Variants in LRIG1 observed in about 807,000 individuals in gnomAD.
LRIG1 encodes leucine-rich repeats and immunoglobulin-like domains protein 1.
Under a neutral mutation model 99.2 loss-of-function variants are expected in LRIG1, and 48 were observed. The ratio of observed to expected loss-of-function variants is 0.48; its 90% confidence interval spans 0.38 to 0.62. The LOEUF (loss-of-function observed/expected upper bound fraction) is 0.62, where lower values mean the gene tolerates loss of function less well. Ranked by LOEUF, LRIG1 falls within the 20% of genes least tolerant of loss-of-function variation. The pLI, the probability that LRIG1 is intolerant of heterozygous loss-of-function variation, is 0.00. For missense variants in LRIG1, 1,646 were observed against 1,434.4 expected, an observed-to-expected ratio of 1.15 and a Z score of -2.38; for synonymous variants, 772 against 596.1, an observed-to-expected ratio of 1.29 and a Z score of -4.30.
intron 9 of LRIG1, among the ~76,000 whole-genome samples, chr3:66,401,912 G>A (rs1307566539): frequency 6.6e-6 from 1 of 152,146 alleles, no homozygotes; most frequent in Non-Finnish European, 1.5e-5. Flanking sequence ...GGCAGGTACT[G>A]GGGGCAATGC....
intron 3 of LRIG1, among the ~76,000 whole-genome samples, chr3:66,446,270 C>A (rs567685205): frequency 2.0e-5 from 3 of 152,094 alleles, no homozygotes; most frequent in Non-Finnish European, 2.9e-5. Context: ...CACTCACCCC[C>A]GGGGAAGGGG....
intron 3 of LRIG1, among the ~76,000 whole-genome samples, chr3:66,445,117 C>T (rs996206073): frequency 6.6e-6 from 1 of 151,984 alleles, no homozygotes; most frequent in Non-Finnish European, 1.5e-5. Context: ...AACAGCTTTG[C>T]TCACATTTTC....
At chr3:66,394,819 G>A (rs756310363) in intron 11 of LRIG1, among the ~76,000 whole-genome samples, 121 of 152,106 alleles carry the variant, frequency 8.0e-4, no homozygotes, top group Admixed American at 7.9e-4. Flanking sequence ...CCACCCTCTT[G>A]TTTGTGCCTT....
chr3:66,500,278 C>A lies in LRIG1; in HGVS notation c.130G>T (p.Ala44Ser), dbSNP rs1432576954. The A allele has an allele frequency of 6.7e-7, 1 of 1,486,664 alleles. No individual in the cohort carries two copies. Among genetic ancestry groups the A allele is most frequent in the Non-Finnish European group, 8.9e-7 (1 of 1,124,704 alleles). The allele number at this position is 1,486,664 out of a possible 1,614,324, so 92.1% of individuals were successfully genotyped here. The change falls in exon 1 of 19, where the codon GCC (alanine) becomes TCC (serine). Residue 44 changes from alanine to serine, a missense_variant. Transcript: ENST00000273261. ...AGCGAGTCCCCAGCGCAAGTGCAGG[C>A]GGCCGCGCAGGGCGCCCGCGGGCCG... ...AAGPRAPCAA[A>S]CTCAGDSLDC...
Position 66,379,885 on chromosome 3 carries a change from G to A in LRIG1, c.*378C>T, listed in dbSNP as rs548370747. 3.1e-4 allele frequency: 53 copies of A among 171,632 alleles called. No homozygotes were observed. The highest frequency in any genetic ancestry group is 6.9e-4 in the Admixed American group (12 of 17,368). The allele number at this position is 171,632 out of a possible 1,614,324, so 10.6% of individuals were successfully genotyped here. A position where few individuals can be genotyped will look rare whatever the true frequency, so the allele number is the denominator to read the frequency against. On this transcript the variant is annotated 3_prime_UTR_variant, in exon 19 of 19. Coordinates refer to ENST00000273261, the MANE Select transcript of LRIG1 (RefSeq NM_015541.3). Reference sequence around the variant, plus strand: ...TAGCCTCTATAAATTCCAGCCATGCGTTAAGGCACCAGAACTATTTCCCCA... The same window carrying A: ...TAGCCTCTATAAATTCCAGCCATGCATTAAGGCACCAGAACTATTTCCCCA...
chr3:66,426,024 G>A (rs1575681202), intron 3 of LRIG1, among the ~76,000 whole-genome samples: 1 of 152,208 alleles, frequency 6.6e-6, no homozygotes, highest in Non-Finnish European at 1.5e-5. Context: ...GGTTTACAAG[G>A]TATTCCCGTT....
chr3:66,410,058 C>A (rs1702413671), intron 7 of LRIG1, 71 bp downstream of exon 7: 1 of 1,500,862 alleles, frequency 6.7e-7, no homozygotes, highest in South Asian at 1.3e-5. Flanking sequence ...GTGGAACGAA[C>A]CAGGCCTAGC....
intron 4 of LRIG1, 79 bp from the exon 5 acceptor site, chr3:66,415,142 G>A: frequency 2.1e-6 from 3 of 1,418,402 alleles, no homozygotes; most frequent in Non-Finnish European, 2.8e-6. Context: ...GACCTCTCTG[G>A]GTCTGAGTTG....
chr3:66,382,231 C>G lies in LRIG1; in HGVS notation c.2617+42G>C, dbSNP rs1701118551. On this transcript the variant is annotated intron_variant, in intron 16 of 18. Transcript: ENST00000273261. ...AGGCCACCTCCAGCACCCAGAGACA[C>G]AGTCACAGCAGAGCTCTGCTTCACA... is the stretch of plus-strand genomic sequence containing the variant. 1.9e-6 allele frequency: 3 copies of G among 1,609,462 alleles called. No individual in the cohort carries two copies. In the Middle Eastern group the frequency reaches 5.0e-4, roughly 267 times the overall value.
intron 3 of LRIG1, among the ~76,000 whole-genome samples, chr3:66,419,197 C>T (rs997433630): frequency 2.0e-5 from 3 of 152,146 alleles, no homozygotes; most frequent in African/African-American, 4.8e-5. Context: ...CCTTACATTG[C>T]GAAGCCGTGG....
Position 66,383,144 on chromosome 3 carries a change from G to C in LRIG1, c.2329C>G (p.Gln777Glu). 1 of 1,614,248 alleles carries C rather than the reference G, an allele frequency of 6.2e-7. No homozygotes were observed. The highest frequency in any genetic ancestry group is 8.5e-7 in the Non-Finnish European group (1 of 1,180,054). Residue 777 changes from glutamine (Q) to glutamate (E), a missense_variant, in exon 15 of 19, where the codon CAG becomes GAG. By Grantham distance (29) the Gln-to-Glu change is conservative (BLOSUM62 2). Coordinates refer to ENST00000273261, the MANE Select transcript of LRIG1 (RefSeq NM_015541.3). ...NTLGTERAHSQLSVLPAAGCR... is the reference protein window; with the variant it reads ...NTLGTERAHSELSVLPAAGCR... ...CCTGCTGCGGGCAGGACGCTCAGCTGGCTGTGAGCTCGCTCCGTGCCCAGG... is the reference window on the plus strand; with the variant it reads ...CCTGCTGCGGGCAGGACGCTCAGCTCGCTGTGAGCTCGCTCCGTGCCCAGG...
In LRIG1 at chr3:66,413,025, G is replaced by A; in HGVS notation, c.648-11C>T. On this transcript the variant is annotated splice_polypyrimidine_tract_variant and intron_variant, in intron 5 of 18. Coordinates refer to ENST00000273261, the MANE Select transcript of LRIG1 (RefSeq NM_015541.3). ...TTCCGATTGAGGTCCCTAAAGAGAT[G>A]AAGCCAGCAGGGTCAGAGTGTCTTA... 4 of 1,614,168 alleles carry A rather than the reference G, an allele frequency of 2.5e-6. No individual in the cohort carries two copies. The highest frequency in any genetic ancestry group is 3.4e-6 in the Non-Finnish European group (4 of 1,180,008).
intron 3 of LRIG1, among the ~76,000 whole-genome samples, chr3:66,449,862 T>C (rs999820516): frequency 2.0e-5 from 3 of 152,222 alleles, no homozygotes; most frequent in African/African-American, 4.8e-5. Flanking sequence ...CTTGAACTCG[T>C]GGACAAACGG....
intron 3 of LRIG1, among the ~76,000 whole-genome samples, chr3:66,446,418 T>C (rs1703727534): frequency 6.6e-6 from 1 of 151,324 alleles, no homozygotes; most frequent in Non-Finnish European, 1.5e-5. Flanking sequence ...TTTTTTTTTT[T>C]TTTTTGAGAA....
At chr3:66,432,569 C>T (rs994235114) in intron 3 of LRIG1, among the ~76,000 whole-genome samples, 3 of 152,152 alleles carry the variant, frequency 2.0e-5, no homozygotes, top group African/African-American at 7.2e-5. Context: ...CCACTATTAC[C>T]GTCCCCATTT....
chr3:66,412,678 G>T (rs959893943), intron 6 of LRIG1, among the ~76,000 whole-genome samples, 193 bp downstream of exon 6: 1 of 152,178 alleles, frequency 6.6e-6, no homozygotes, highest in African/African-American at 2.4e-5. Context: ...CTGAATGCTG[G>T]TGTGGGCGCG....
intron 9 of LRIG1, among the ~76,000 whole-genome samples, chr3:66,400,980 C>G (rs1559778168): frequency 6.6e-6 from 1 of 152,152 alleles, no homozygotes; most frequent in Non-Finnish European, 1.5e-5. Flanking sequence ...TCCGTTTCAT[C>G]AGAAACAGAC....
At position 66,386,469 on chromosome 3, in the gene LRIG1, G is replaced by A. The variant is rs553811317; in HGVS notation, c.1469-168C>T. On this transcript the variant is annotated intron_variant, in intron 12 of 18. Coordinates refer to ENST00000273261, the MANE Select transcript of LRIG1 (RefSeq NM_015541.3). ...CAGATGCCGTAAGAGTTGCACCATG[G>A]ACATCTGACCTCATCTAATTAGAAG... 8.1e-6 allele frequency: 5 copies of A among 617,662 alleles called. No homozygotes were observed. The East Asian group carries it at 1.1e-4, about 13-fold the overall frequency. The allele number at this position is 617,662 out of a possible 1,614,324, so 38.3% of individuals were successfully genotyped here. A position where few individuals can be genotyped will look rare whatever the true frequency, so the allele number is the denominator to read the frequency against.
Position 66,410,112 on chromosome 3 carries a change from G to A in LRIG1, c.935+17C>T. On this transcript the variant is annotated intron_variant, in intron 7 of 18. Transcript: ENST00000273261. Reference sequence around the variant, plus strand: ...TGTCTAAAAACACTGCCACAGCCCAGAGCCGAGGACACTTACAACTCATGC... The same window carrying A: ...TGTCTAAAAACACTGCCACAGCCCAAAGCCGAGGACACTTACAACTCATGC... 6.2e-7 allele frequency: 1 copy of A among 1,602,674 alleles called. No individual in the cohort carries two copies. Among genetic ancestry groups the A allele is most frequent in the Non-Finnish European group, 8.5e-7 (1 of 1,174,396 alleles).
Sources: allele counts gnomAD v4.1 joint callset (sites outside exome capture counted in the v4.1 genomes callset), GRCh38; gene constraint gnomAD v4.1.1; transcripts MANE v1.5; gene names NCBI Gene and HGNC (gene_info 2026-07-23, HGNC 2026-07-21).